ARSG: variants seen among roughly 807,000 people sequenced by gnomAD.
ARSG encodes the protein ASG.
A neutral mutation model predicts 50.5 loss-of-function variants in ARSG; 37 were observed. The observed-to-expected ratio is 0.73, with a 90% CI of 0.56 to 0.96. The LOEUF (loss-of-function observed/expected upper bound fraction) is 0.96, where lower values mean the gene tolerates loss of function less well. Among genes scored for constraint, ARSG ranks in the 50% least tolerant of loss-of-function variants. The pLI, the probability that ARSG is intolerant of heterozygous loss-of-function variation, is 0.00. For missense variants in ARSG, 629 were observed against 675.3 expected (o/e 0.93, Z 0.76); for synonymous variants, 225 against 254.6 (o/e 0.88, Z 1.11).
intron 8 of ARSG, chr17:68,379,956 C>A: frequency 1.2e-6 from 1 of 807,222 alleles, no homozygotes; most frequent in Non-Finnish European, 1.5e-6. Flanking sequence ...ATACGTACAA[C>A]TGACCTTTGA....
chr17:68,320,184 G>A (rs1033204564), intron 2 of ARSG, among the ~76,000 whole-genome samples: 22 of 152,146 alleles, frequency 1.4e-4, no homozygotes, highest in African/African-American at 4.8e-4. Context: ...AGCTACTCAG[G>A]AGGCTGAGAC....
At chr17:68,268,912 A>AAT in intron 1 of ARSG, 3 of 1,369,230 alleles carry the variant, frequency 2.2e-6, no homozygotes, top group Non-Finnish European at 2.9e-6. Flanking sequence ...AAAAAAAAAA[A>AAT]GCTTAAAACA....
At chr17:68,433,502 C>CTGGAGG in the ARSG span, 1 of 1,613,796 alleles carries the variant, frequency 6.2e-7, no homozygotes, top group African/African-American at 1.3e-5. Flanking sequence ...AAGATGTGTA[C>CTGGAGG]CGTCTCGGTG....
chr17:68,343,931 C>A lies in ARSG; in HGVS notation c.406+140C>A, dbSNP rs539987450. On this transcript the variant is annotated intron_variant, in intron 3 of 11. Coordinates refer to ENST00000621439, the MANE Select transcript of ARSG (RefSeq NM_001267727.2). ...TAGGGATGCTCTCAGCTATAAGGAA[C>A]TGAAAAGACCTAACAGTGAATTAAA... 407 of 843,340 alleles carry A rather than the reference C, an allele frequency of 4.8e-4. 3 individuals are homozygous for A. The African/African-American group carries it at 6.5e-3, about 14-fold the overall frequency. 52.2% of individuals were successfully genotyped at this position (843,340 alleles called of 1,614,324 possible). A position where few individuals can be genotyped will look rare whatever the true frequency, so the allele number is the denominator to read the frequency against.
chr17:68,394,019 G>T (rs371357669), intron 9 of ARSG, among the ~76,000 whole-genome samples: 1 of 151,796 alleles, frequency 6.6e-6, no homozygotes, highest in East Asian at 1.9e-4. Context: ...TCTCAAACCG[G>T]CCATTGTTCA....
intron 5 of ARSG, among the ~76,000 whole-genome samples, chr17:68,353,485 C>G (rs2078892779): frequency 6.6e-6 from 1 of 152,026 alleles, no homozygotes; most frequent in Admixed American, 6.6e-5. Flanking sequence ...CTGCACTTCA[C>G]CCTGGGTGAC....
Position 68,370,518 on chromosome 17 carries a change from C to G in ARSG, c.976C>G (p.Arg326Gly), listed in dbSNP as rs144503106. The G allele has an allele frequency of 0.017, 28,188 of 1,613,692 alleles. 332 individuals are homozygous for G. The highest frequency in any genetic ancestry group is 0.019 in the Non-Finnish European group (22,920 of 1,179,818). Reference sequence around the variant, plus strand: ...TCCCTTCACTGGATTTTGGCAAACTCGTCAAGGTAAGGGGCTCAGCTGGGG... The same window carrying G: ...TCCCTTCACTGGATTTTGGCAAACTGGTCAAGGTAAGGGGCTCAGCTGGGG... ...VGPFTGFWQT[R>G]QGGSPAKQTT... Residue 326 changes from arginine to glycine, a missense_variant, in exon 8 of 12, where the codon CGT becomes GGT. Coordinates refer to ENST00000621439, the MANE Select transcript of ARSG (RefSeq NM_001267727.2).
downstream of ARSG, chr17:68,422,051 G>C (rs1317862347): frequency 1.7e-6 from 1 of 572,158 alleles, no homozygotes; most frequent in African/African-American, 1.9e-5. Context: ...CTCTGTGTGT[G>C]TGTGTATGTA....
downstream of ARSG, chr17:68,425,884 C>A: frequency 3.5e-6 from 2 of 569,830 alleles, no homozygotes; most frequent in Non-Finnish European, 6.2e-6. Context: ...TAGCTCGACA[C>A]CTAAAGCCTA....
the ARSG span, among the ~76,000 whole-genome samples, chr17:68,442,587 C>T: frequency 1.3e-5 from 2 of 152,010 alleles, no homozygotes; most frequent in African/African-American, 2.4e-5. Flanking sequence ...CATTTACTGT[C>T]CACTCCCCTC....
chr17:68,272,501 T>C (rs2075374021), intron 1 of ARSG: 2 of 1,001,560 alleles, frequency 2.0e-6, no homozygotes, highest in Non-Finnish European at 1.5e-6. Context: ...AAAAATGAGC[T>C]GGAGAAGAGA....
chr17:68,406,683 G>T (rs963653460), intron 11 of ARSG, among the ~76,000 whole-genome samples: 1 of 151,982 alleles, frequency 6.6e-6, no homozygotes, highest in Admixed American at 6.6e-5. Flanking sequence ...TACTTTTGAG[G>T]CTTGTCTATT....
At chr17:68,270,619 C>T (rs2075308129) in intron 1 of ARSG, among the ~76,000 whole-genome samples, 1 of 151,990 alleles carries the variant, frequency 6.6e-6, no homozygotes, top group Non-Finnish European at 1.5e-5. Context: ...CTGAATCGAC[C>T]ACTAATTTAC....
downstream of ARSG, among the ~76,000 whole-genome samples, chr17:68,426,815 G>A (rs780697147): frequency 3.4e-4 from 52 of 152,194 alleles, no homozygotes; most frequent in Non-Finnish European, 6.8e-4. Context: ...GATTACAGGT[G>A]TGAGCCAATG....
At chr17:68,421,822 T>C (rs560785680), downstream of ARSG, 5 of 1,614,028 alleles carry the variant, frequency 3.1e-6, no homozygotes, top group Non-Finnish European at 4.2e-6. Context: ...CAAGATTATC[T>C]ACCAAAATCA....
chr17:68,333,445 G>A (rs9895891), intron 2 of ARSG, among the ~76,000 whole-genome samples: 42,321 of 151,866 alleles, frequency 0.28, 6,204 homozygotes, highest in African/African-American at 0.33. Flanking sequence ...CTGGCCAACA[G>A]TGGCAAAACC....
chr17:68,435,501 T>C, the ARSG span: 2 of 969,530 alleles, frequency 2.1e-6, no homozygotes, highest in South Asian at 2.8e-5. Flanking sequence ...AAACAAATTC[T>C]GAGTGGGCCC....
At chr17:68,396,152 C>T (rs935430877) in intron 10 of ARSG, among the ~76,000 whole-genome samples, 1 of 151,850 alleles carries the variant, frequency 6.6e-6, no homozygotes, top group Non-Finnish European at 1.5e-5. Context: ...GGGACTACAC[C>T]CTCCCGAGCC....
intron 5 of ARSG, among the ~76,000 whole-genome samples, chr17:68,354,667 T>C (rs1327249489): frequency 6.6e-6 from 1 of 152,114 alleles, no homozygotes; most frequent in Non-Finnish European, 1.5e-5. Flanking sequence ...GTGGATTGCT[T>C]GAGCTCAGGA....
Sources: allele counts gnomAD v4.1 joint callset (sites outside exome capture counted in the v4.1 genomes callset), GRCh38; gene constraint gnomAD v4.1.1; transcripts MANE v1.5; gene names NCBI Gene and HGNC (gene_info 2026-07-23, HGNC 2026-07-21).